The following KLF7 variants were observed in gnomAD, a reference collection of about 807,000 sequenced individuals.
The protein encoded by KLF7 is KLF transcription factor 7.
Under a neutral mutation model 27.3 loss-of-function variants are expected in KLF7, and 2 were observed. The observed-to-expected ratio is 0.07, with a 90% CI of 0.03 to 0.23. KLF7 has a LOEUF of 0.23. KLF7 is among the 10% of genes least tolerant of loss of function. The pLI is 1.00. For missense variants in KLF7, 221 were observed against 394.1 expected, an observed-to-expected ratio of 0.56 and a Z score of 3.72; for synonymous variants, 165 against 162.4, an observed-to-expected ratio of 1.02 and a Z score of -0.12.
chr2:207,089,276 G>C (rs1331288426), intron 2 of KLF7, among the ~76,000 whole-genome samples: 1 of 152,190 alleles, frequency 6.6e-6, no homozygotes, highest in African/African-American at 2.4e-5. Flanking sequence ...GTTCTTATTA[G>C]AGAATAATAT....
intron 1 of KLF7, among the ~76,000 whole-genome samples, chr2:207,140,092 T>C (rs2077898982): frequency 6.6e-6 from 1 of 152,174 alleles, no homozygotes; most frequent in Admixed American, 6.5e-5. Flanking sequence ...TTTCACCATG[T>C]TGGCCAAGAT....
chr2:207,097,751 T>C (rs2076666930), intron 2 of KLF7, among the ~76,000 whole-genome samples: 1 of 152,240 alleles, frequency 6.6e-6, no homozygotes, highest in South Asian at 2.1e-4. Flanking sequence ...CTGTTGAAAA[T>C]TAAAGAATTT....
chr2:207,099,744 G>C (rs1301094526), intron 2 of KLF7, among the ~76,000 whole-genome samples: 1 of 151,630 alleles, frequency 6.6e-6, no homozygotes, highest in Non-Finnish European at 1.5e-5. Flanking sequence ...TATAAATACA[G>C]ATGGTAGAGA....
intron 3 of KLF7, among the ~76,000 whole-genome samples, chr2:207,082,469 GTTC>G (rs1019016359): frequency 3.3e-5 from 5 of 152,292 alleles, no homozygotes; most frequent in African/African-American, 9.6e-5. Context: ...ATCTAATTCT[GTTC>G]TTCTTAGTTA....
chr2:207,146,914 G>A lies in KLF7; in HGVS notation c.102+18553C>T, dbSNP rs191133045. Among the ~76,000 whole-genome samples the A allele has an allele frequency of 4.4e-3, 676 of 152,218 alleles. 2 individuals carry two copies. The highest frequency in any genetic ancestry group is 0.016 in the African/African-American group (650 of 41,506). ...AGGGCACGGACATTCCTGGCAACCT[G>A]CTATTCTATGCAACATATACTTTCC... On this transcript the variant is annotated intron_variant, in intron 1 of 3. Coordinates refer to ENST00000309446, the MANE Select transcript of KLF7 (RefSeq NM_003709.4).
chr2:207,165,292 G>A (rs1293213089), intron 1 of KLF7, among the ~76,000 whole-genome samples, 175 bp downstream of exon 1: 2 of 152,162 alleles, frequency 1.3e-5, no homozygotes, highest in Non-Finnish European at 2.9e-5. Flanking sequence ...AGGGGTGGGT[G>A]GAGAGGTAAG....
chr2:207,108,647 A>G (rs2076945548), intron 2 of KLF7, among the ~76,000 whole-genome samples: 1 of 152,222 alleles, frequency 6.6e-6, no homozygotes, highest in Non-Finnish European at 1.5e-5. Context: ...ATTCTTCTTC[A>G]CTGTGTGCTT....
At chr2:207,136,704 C>G (rs1320763392) in intron 1 of KLF7, among the ~76,000 whole-genome samples, 3 of 152,168 alleles carry the variant, frequency 2.0e-5, no homozygotes, top group Admixed American at 6.5e-5. Flanking sequence ...ATCCCCAGCA[C>G]CCAGCACAGT....
rs1332595616 is a variant in KLF7 at position 207,143,996 on chromosome 2, G to GGA, written c.103-19594_103-19593dup. Among the ~76,000 whole-genome samples, 5 of 152,114 alleles carry GGA rather than the reference G, an allele frequency of 3.3e-5. No homozygotes were observed. In the South Asian group the frequency reaches 6.2e-4, roughly 19 times the overall value. On this transcript the variant is annotated intron_variant, in intron 1 of 3. Transcript: ENST00000309446. ...AGAGGGCTTCGCTCTCTGCCTTGGT[G>GGA]GAGAGAGAGAGGCCAGGGGAGGGGC...
rs556516019 is a variant in KLF7, at chr2:207,115,167, G to A, written c.733+8607C>T. 1.7e-3 allele frequency among the ~76,000 whole-genome samples: 259 copies of A among 150,292 alleles called. 2 individuals are homozygous for A. The highest frequency in any genetic ancestry group is 5.9e-3 in the African/African-American group (240 of 40,454). On this transcript the variant is annotated intron_variant, in intron 2 of 3. Coordinates refer to ENST00000309446, the MANE Select transcript of KLF7 (RefSeq NM_003709.4). ...AACTTTTGAAGGGAAGAAAAAAAAA[G>A]ATGTCAGTTGCAAAAAAAAAAAGGG...
intron 2 of KLF7, among the ~76,000 whole-genome samples, chr2:207,102,550 G>A (rs1423063477): frequency 6.6e-6 from 1 of 152,102 alleles, no homozygotes; most frequent in African/African-American, 2.4e-5. Flanking sequence ...CAGAACTTAA[G>A]CCATTCCACA....
At chr2:207,144,027 G>A (rs1157079444) in intron 1 of KLF7, among the ~76,000 whole-genome samples, 1 of 152,052 alleles carries the variant, frequency 6.6e-6, no homozygotes, top group Admixed American at 6.5e-5. Flanking sequence ...GGGGCAGGCT[G>A]GCTCCAGGGG....
At chr2:207,137,471 CCTTT>C (rs2077820919) in intron 1 of KLF7, among the ~76,000 whole-genome samples, 3 of 152,170 alleles carry the variant, frequency 2.0e-5, no homozygotes, top group Admixed American at 6.5e-5. Context: ...CCTCCCACTC[CCTTT>C]AAGAATTTTA....
At chr2:207,155,498 A>G (rs945780321) in intron 1 of KLF7, among the ~76,000 whole-genome samples, 1 of 152,236 alleles carries the variant, frequency 6.6e-6, no homozygotes, top group Non-Finnish European at 1.5e-5. Context: ...AAAGACCAGG[A>G]GCAAAACACC....
chr2:207,122,293 G>A (rs375103070), intron 2 of KLF7, among the ~76,000 whole-genome samples: 7 of 152,052 alleles, frequency 4.6e-5, no homozygotes, highest in South Asian at 4.1e-4. Flanking sequence ...TTAGGAGACC[G>A]TCCCATGAAC....
intron 2 of KLF7, among the ~76,000 whole-genome samples, chr2:207,118,671 A>T (rs572630255): frequency 6.6e-6 from 1 of 152,326 alleles, no homozygotes; most frequent in Non-Finnish European, 1.5e-5. Context: ...CATTTTCCTC[A>T]TCTATAAAAT....
At chr2:207,162,624 G>C (rs560039828) in intron 1 of KLF7, among the ~76,000 whole-genome samples, 1 of 152,386 alleles carries the variant, frequency 6.6e-6, no homozygotes, top group Admixed American at 6.5e-5. Flanking sequence ...TCCGTGACGA[G>C]AGGGAGCCCT....
chr2:207,150,962 T>C (rs1271604459), intron 1 of KLF7, among the ~76,000 whole-genome samples: 1 of 119,692 alleles, frequency 8.4e-6, no homozygotes, highest in East Asian at 2.7e-4. Context: ...GGTTTGCCTG[T>C]CAAAAGCTCT....
the KLF7 span, among the ~76,000 whole-genome samples, chr2:207,173,473 C>G: frequency 1.1e-4 from 17 of 151,658 alleles, no homozygotes; most frequent in African/African-American, 4.1e-4. Context: ...TTTTAAGACA[C>G]TAACATATTG....
Sources: allele counts gnomAD v4.1 joint callset (sites outside exome capture counted in the v4.1 genomes callset), GRCh38; gene constraint gnomAD v4.1.1; transcripts MANE v1.5; gene names NCBI Gene and HGNC (gene_info 2026-07-23, HGNC 2026-07-21).